USP34: variants seen among roughly 807,000 people sequenced by gnomAD.
USP34 encodes the protein ubiquitin specific peptidase 34.
In USP34, 70 loss-of-function variants were observed where a neutral mutation model predicts 460.3. The ratio of observed to expected loss-of-function variants is 0.15; its 90% CI spans 0.13 to 0.19. The LOEUF is 0.19. Among genes scored for constraint, USP34 ranks in the 10% least tolerant of loss-of-function variants. USP34 has a pLI of 1.00. For synonymous variants in USP34, 1,647 were observed against 1,405.3 expected, an observed-to-expected ratio of 1.17 and a Z score of -3.85; for missense variants, 3,985 against 4,236.2, an observed-to-expected ratio of 0.94 and a Z score of 1.65.
chr2:61,259,808 A>G (rs1688823509), intron 43 of USP34, 32 bp from the exon 44 acceptor site: 1 of 1,599,920 alleles, frequency 6.3e-7, no homozygotes, highest in Admixed American at 1.7e-5. Flanking sequence ...CATTAAAAAC[A>G]CAGACATGAT....
intron 51 of USP34, among the ~76,000 whole-genome samples, chr2:61,243,740 G>A (rs542922808): frequency 1.5e-4 from 23 of 151,574 alleles, no homozygotes; most frequent in African/African-American, 2.9e-4. Context: ...GCATGGTGGC[G>A]CGTGCCTGTA....
intron 1 of USP34, among the ~76,000 whole-genome samples, chr2:61,447,324 C>T (rs908813071): frequency 7.0e-6 from 1 of 142,694 alleles, no homozygotes; most frequent in African/African-American, 2.6e-5. Context: ...TCAGAAAAAT[C>T]TGTTAAGTAT....
At chr2:61,384,196 TAA>T (rs1367590775) in intron 5 of USP34, among the ~76,000 whole-genome samples, 3 of 152,210 alleles carry the variant, frequency 2.0e-5, no homozygotes. Flanking sequence ...TGAGTTATAA[TAA>T]AAGTTACAAT....
chr2:61,372,832 G>GGAA (rs1401299485), intron 8 of USP34, among the ~76,000 whole-genome samples: 1 of 152,088 alleles, frequency 6.6e-6, no homozygotes, highest in Non-Finnish European at 1.5e-5. Flanking sequence ...GGTCAAAGTG[G>GGAA]GAAGAGGTGC....
chr2:61,208,922 G>A lies in USP34; in HGVS notation c.8896C>T (p.Arg2966Ter). The change falls in exon 70 of 80, where the codon CGA (arginine) becomes TGA (stop). Residue 2966 changes from arginine to a stop codon, truncating the protein, a stop_gained. Transcript: ENST00000398571. LOFTEE classifies it high-confidence loss of function. ...DEDRLLVVFNRGLILMTESFN... is the reference protein window; with the variant it reads ...DEDRLLVVFN Reference sequence around the variant, plus strand: ...ACCTCTGTCATTAGAATCAATCCTCGATTAAATACAACAAGAAGTCTGTCT... The same window carrying A: ...ACCTCTGTCATTAGAATCAATCCTCAATTAAATACAACAAGAAGTCTGTCT... 1 of 1,591,484 alleles carries A rather than the reference G, an allele frequency of 6.3e-7. No individual in the cohort carries two copies. The highest frequency in any genetic ancestry group is 8.6e-7 in the Non-Finnish European group (1 of 1,168,970).
rs1175823588 is a variant in USP34, at chr2:61,187,877, T to G, written c.*225A>C. The G allele has an allele frequency of 5.1e-6, 7 of 1,366,918 alleles. No homozygotes were observed. In the Admixed American group the frequency reaches 1.4e-4, roughly 27 times the overall value. 84.7% of individuals were successfully genotyped at this position (1,366,918 alleles called of 1,614,324 possible). ...CCACTAAAGTGAACTCTTAATTACA[T>G]AAAACATATCCATTATCTGATTGCC... On this transcript the variant is annotated 3_prime_UTR_variant, in exon 80 of 80. Coordinates refer to ENST00000398571, the MANE Select transcript of USP34 (RefSeq NM_014709.4).
intron 2 of USP34, among the ~76,000 whole-genome samples, chr2:61,418,238 C>A (rs1280709652): frequency 6.6e-6 from 1 of 151,874 alleles, no homozygotes; most frequent in Non-Finnish European, 1.5e-5. Context: ...CACCACCACG[C>A]CTGGCTAATT....
At position 61,247,275 on chromosome 2, in the gene USP34, C is replaced by G. The variant is rs115623054; in HGVS notation, c.6395-798G>C. Among the ~76,000 whole-genome samples, 515 of 152,248 alleles carry G rather than the reference C, an allele frequency of 3.4e-3. 2 individuals carry two copies. The highest frequency in any genetic ancestry group is 0.011 in the African/African-American group (445 of 41,532). On this transcript the variant is annotated intron_variant, in intron 49 of 79. Transcript: ENST00000398571. ...TAAGGAAATGATGAGATCTGGCTGACTTGAGGGTACAGTCTGAACTGGAAC... is the reference window on the plus strand; with the variant it reads ...TAAGGAAATGATGAGATCTGGCTGAGTTGAGGGTACAGTCTGAACTGGAAC...
At chr2:61,360,838 G>A (rs919080182) in intron 10 of USP34, among the ~76,000 whole-genome samples, 1 of 152,078 alleles carries the variant, frequency 6.6e-6, no homozygotes, top group South Asian at 2.1e-4. Flanking sequence ...TGTATTTTTG[G>A]TACAGACAGG....
At chr2:61,454,607 T>C (rs1573060670) in intron 1 of USP34, among the ~76,000 whole-genome samples, 1 of 151,902 alleles carries the variant, frequency 6.6e-6, no homozygotes, top group Middle Eastern at 3.5e-3. Context: ...TACAGTGAAG[T>C]GACACAACCT....
In USP34 at chr2:61,287,720, A is replaced by G. The variant is rs567107359; in HGVS notation, c.4749+957T>C. The stretch of plus-strand genomic sequence containing the variant: ...GAATACAGTATATAATAGTATTAAC[A>G]TACAAAATATGCATTCACCAACTGT... On this transcript the variant is annotated intron_variant, in intron 34 of 79. Coordinates refer to ENST00000398571, the MANE Select transcript of USP34 (RefSeq NM_014709.4). Among the ~76,000 whole-genome samples, 8 of 152,364 alleles carry G rather than the reference A, an allele frequency of 5.3e-5. No individual in the cohort carries two copies. The South Asian group carries it at 1.7e-3, about 32-fold the overall frequency.
At chr2:61,410,543 T>G (rs189041027) in intron 2 of USP34, among the ~76,000 whole-genome samples, 1 of 152,210 alleles carries the variant, frequency 6.6e-6, no homozygotes, top group Non-Finnish European at 1.5e-5. Context: ...TTGCTGTACA[T>G]TGCATCCATA....
At chr2:61,415,465 G>T (rs372644083) in intron 2 of USP34, among the ~76,000 whole-genome samples, 3 of 152,154 alleles carry the variant, frequency 2.0e-5, no homozygotes, top group Admixed American at 2.0e-4. Context: ...AAGAATTGAT[G>T]TAACTATACT....
chr2:61,419,990 A>T (rs971363465), intron 2 of USP34, among the ~76,000 whole-genome samples: 7 of 152,340 alleles, frequency 4.6e-5, no homozygotes, highest in East Asian at 1.9e-4. Context: ...GGAAAAAAGG[A>T]TATTACCATA....
rs148041064 is a variant in USP34 at position 61,438,668 on chromosome 2, A to G, written c.44-17835T>C. Among the ~76,000 whole-genome samples the G allele has an allele frequency of 6.6e-5, 10 of 152,226 alleles. 1 individual carries two copies. The South Asian group carries it at 1.2e-3, about 19-fold the overall frequency. On this transcript the variant is annotated intron_variant, in intron 1 of 79. Transcript: ENST00000398571. ...TAAATTAGGTATAAAAGGAAAGTAC[A>G]CCAACATAATAAAGGCCATATATGA...
At chr2:61,464,717 C>CAA (rs35331685) in intron 1 of USP34, among the ~76,000 whole-genome samples, 8,955 of 74,940 alleles carry the variant, frequency 0.12, 577 homozygotes, top group East Asian at 0.17. Flanking sequence ...GACTCCGTCT[C>CAA]AAAAAAAAAA....
Position 61,365,587 on chromosome 2 carries a change from A to G in USP34, c.1251+4734T>C, listed in dbSNP as rs34168279. Among the ~76,000 whole-genome samples the G allele has an allele frequency of 2.4e-3, 364 of 152,314 alleles. 1 individual carries two copies. The highest frequency in any genetic ancestry group is 4.3e-3 in the Non-Finnish European group (294 of 68,034). On this transcript the variant is annotated intron_variant, in intron 10 of 79. Coordinates refer to ENST00000398571, the MANE Select transcript of USP34 (RefSeq NM_014709.4). ...AAAAAAAACCTACTCTGTGAAATCC[A>G]TAAGAATAAATACAATTAATTCTGG... is the stretch of plus-strand genomic sequence containing the variant.
chr2:61,451,265 A>G (rs1388090066), intron 1 of USP34, among the ~76,000 whole-genome samples: 2 of 147,150 alleles, frequency 1.4e-5, no homozygotes, highest in African/African-American at 5.0e-5. Flanking sequence ...AACTTTTCAC[A>G]ACCTATTTGG....
Position 61,190,523 on chromosome 2 carries a change from G to C in USP34, c.9724C>G (p.Leu3242Val). Residue 3242 changes from leucine (L) to valine (V), a missense_variant, in exon 77 of 80, where the codon CTA becomes GTA. By Grantham distance (32) the Leu-to-Val change is conservative. This residue lies in a region of USP34 where 506 missense variants were observed against 439.0 expected (regional missense o/e 1.15). Coordinates refer to ENST00000398571, the MANE Select transcript of USP34 (RefSeq NM_014709.4). ...IVYTFMTHFL[L>V]KVQSQVFSEA... ...GTTTCCAAAGTACTACGTACCTTTA[G>C]AAGGAAATGTGTCATGAACGTGTAG... 6.2e-7 allele frequency: 1 copy of C among 1,613,524 alleles called. No homozygotes were observed. Among genetic ancestry groups the C allele is most frequent in the South Asian group, 1.1e-5 (1 of 90,924 alleles).
Sources: allele counts gnomAD v4.1 joint callset (sites outside exome capture counted in the v4.1 genomes callset), GRCh38; gene constraint gnomAD v4.1.1; regional missense constraint gnomAD v4.1.1; transcripts MANE v1.5; gene names NCBI Gene and HGNC (gene_info 2026-07-23, HGNC 2026-07-21).